Variants in ANO10 observed in about 807,000 individuals in gnomAD.
The protein encoded by ANO10 is anoctamin-10.
In ANO10, 77 loss-of-function variants were observed where a neutral mutation model predicts 74.7. The ratio of observed to expected loss-of-function variants is 1.03; its 90% CI spans 0.86 to 1.25. The LOEUF (loss-of-function observed/expected upper bound fraction) is 1.25. Ranked by LOEUF, ANO10 falls within the 50% of genes most tolerant of loss-of-function variation. The probability of loss-of-function intolerance (pLI) is 0.00; values close to 1 mark genes in which losing one functional copy is unlikely to be tolerated. For synonymous variants in ANO10, 279 were observed against 284.9 expected, an observed-to-expected ratio of 0.98 and a Z score of 0.21; for missense variants, 721 against 778.1, an observed-to-expected ratio of 0.93 and a Z score of 0.87.
chr3:43,572,635 G>C (rs1203722690), intron 7 of ANO10, among the ~76,000 whole-genome samples: 2 of 152,124 alleles, frequency 1.3e-5, no homozygotes, highest in African/African-American at 4.8e-5. Flanking sequence ...AGGGGATCCT[G>C]CCACAAAAAG....
At chr3:43,532,804 T>G in intron 11 of ANO10, among the ~76,000 whole-genome samples, 1 of 152,126 alleles carries the variant, frequency 6.6e-6, no homozygotes, top group East Asian at 1.9e-4. Flanking sequence ...CCCCAAAACA[T>G]CTAGGAATCT....
intron 3 of ANO10, 98 bp from the exon 4 acceptor site, chr3:43,598,764 A>G: frequency 1.0e-6 from 1 of 967,890 alleles, no homozygotes; most frequent in Non-Finnish European, 1.5e-6. Flanking sequence ...ACAATAAGCA[A>G]TTAACATAAG....
intron 4 of ANO10, 127 bp from the exon 5 acceptor site, chr3:43,580,599 T>C: frequency 1.8e-6 from 2 of 1,088,380 alleles, no homozygotes. Flanking sequence ...TACTGCCTAC[T>C]CCAAACCTGT....
At chr3:43,570,568 A>T (rs2080648761) in intron 7 of ANO10, among the ~76,000 whole-genome samples, 1 of 152,182 alleles carries the variant, frequency 6.6e-6, no homozygotes. Context: ...AACCTCACAA[A>T]AACAAGCAAT....
intron 1 of ANO10, among the ~76,000 whole-genome samples, chr3:43,660,547 A>G (rs1012946997): frequency 6.6e-6 from 1 of 152,152 alleles, no homozygotes; most frequent in Non-Finnish European, 1.5e-5. Context: ...AGATTAGAGA[A>G]AAGAGAGTGA....
intron 11 of ANO10, among the ~76,000 whole-genome samples, chr3:43,511,039 T>C (rs2077490126): frequency 6.6e-6 from 1 of 152,242 alleles, no homozygotes; most frequent in South Asian, 2.1e-4. Flanking sequence ...TAGTATAGTT[T>C]GATTAATGTG....
At chr3:43,459,253 A>G (rs1031635315) in intron 11 of ANO10, among the ~76,000 whole-genome samples, 3 of 152,102 alleles carry the variant, frequency 2.0e-5, no homozygotes, top group East Asian at 1.9e-4. Context: ...GGTAGCCACA[A>G]CTTGCTCCAG....
At chr3:43,487,977 A>G (rs1160854840) in intron 11 of ANO10, among the ~76,000 whole-genome samples, 2 of 152,120 alleles carry the variant, frequency 1.3e-5, no homozygotes, top group African/African-American at 2.4e-5. Flanking sequence ...AGAGATATAG[A>G]TCAATGGAAC....
chr3:43,652,115 C>T (rs1417774739), intron 1 of ANO10, among the ~76,000 whole-genome samples: 1 of 144,736 alleles, frequency 6.9e-6, no homozygotes, highest in Admixed American at 7.9e-5. Context: ...ATCTTGGCCG[C>T]CTTTTTTTTT....
chr3:43,373,416 C>T (rs1284256618), intron 12 of ANO10, among the ~76,000 whole-genome samples: 1 of 151,826 alleles, frequency 6.6e-6, no homozygotes, highest in Non-Finnish European at 1.5e-5. Context: ...GCTCACACAA[C>T]AGGAGACATG....
intron 12 of ANO10, among the ~76,000 whole-genome samples, chr3:43,399,745 T>C (rs1267123705): frequency 1.3e-5 from 2 of 152,196 alleles, no homozygotes; most frequent in African/African-American, 4.8e-5. Flanking sequence ...GCAGGCCTCA[T>C]GAAGACCCAC....
chr3:43,518,885 C>G (rs1030919581), intron 11 of ANO10, among the ~76,000 whole-genome samples: 1 of 152,066 alleles, frequency 6.6e-6, no homozygotes, highest in Non-Finnish European at 1.5e-5. Flanking sequence ...TCTAATTTCG[C>G]CCTGGTCCTG....
intron 11 of ANO10, among the ~76,000 whole-genome samples, chr3:43,446,998 T>C (rs185300551): frequency 6.2e-4 from 94 of 152,314 alleles, no homozygotes; most frequent in African/African-American, 2.2e-3. Context: ...CATGTTTATA[T>C]AAAAGGAGCA....
chr3:43,575,546 A>C (rs1424342953), intron 6 of ANO10, among the ~76,000 whole-genome samples: 1 of 152,236 alleles, frequency 6.6e-6, no homozygotes, highest in East Asian at 1.9e-4. Context: ...AGGATCAGAA[A>C]TAATATAAAA....
chr3:43,625,097 G>A (rs1430399173), upstream of ANO10, among the ~76,000 whole-genome samples: 1 of 152,176 alleles, frequency 6.6e-6, no homozygotes, highest in African/African-American at 2.4e-5. Flanking sequence ...AGAAGGACAG[G>A]TTTTCTCTCA....
At chr3:43,464,951 A>T (rs1345265432) in intron 11 of ANO10, among the ~76,000 whole-genome samples, 1 of 152,226 alleles carries the variant, frequency 6.6e-6, no homozygotes, top group Non-Finnish European at 1.5e-5. Flanking sequence ...ACAAAACAAG[A>T]ATGATAACTT....
intron 1 of ANO10, among the ~76,000 whole-genome samples, chr3:43,606,459 G>C (rs547519026): frequency 5.9e-5 from 9 of 152,158 alleles, no homozygotes; most frequent in African/African-American, 2.2e-4. Flanking sequence ...TATGAGCAGA[G>C]AACTGATGTA....
chr3:43,516,123 T>C (rs2077701515), intron 11 of ANO10, among the ~76,000 whole-genome samples: 1 of 152,204 alleles, frequency 6.6e-6, no homozygotes, highest in African/African-American at 2.4e-5. Context: ...ATGCCAACTC[T>C]GAATACAGCA....
At chr3:43,596,892 A>T (rs1255662314) in intron 4 of ANO10, among the ~76,000 whole-genome samples, 1 of 152,260 alleles carries the variant, frequency 6.6e-6, no homozygotes, top group Non-Finnish European at 1.5e-5. Flanking sequence ...TCCAGAATCT[A>T]CAAAGAACTT....
Sources: allele counts gnomAD v4.1 joint callset (sites outside exome capture counted in the v4.1 genomes callset), GRCh38; gene constraint gnomAD v4.1.1; transcripts MANE v1.5; gene names NCBI Gene and HGNC (gene_info 2026-07-23, HGNC 2026-07-21).